Variants in SAXO2 observed in about 807,000 individuals in gnomAD.
SAXO2 encodes the protein stabilizer of axonemal microtubules 2, also known as family with sequence similarity 154, member B.
Under a neutral mutation model 18.7 loss-of-function variants are expected in SAXO2, and 17 were observed. The observed-to-expected ratio is 0.91, with a 90% CI of 0.62 to 1.36. The LOEUF (loss-of-function observed/expected upper bound fraction) is 1.36, where lower values mean the gene tolerates loss of function less well. Ranked by LOEUF, SAXO2 falls within the 40% of genes most tolerant of loss-of-function variation. SAXO2 has a pLI of 0.00. For missense variants in SAXO2, 486 were observed against 562.6 expected, an observed-to-expected ratio of 0.86 and a Z score of 1.38; for synonymous variants, 163 against 181.2, an observed-to-expected ratio of 0.90 and a Z score of 0.81.
intron 2 of SAXO2, among the ~76,000 whole-genome samples, chr15:82,266,870 G>C (rs1370337341): frequency 1.3e-5 from 2 of 152,098 alleles, no homozygotes; most frequent in East Asian, 3.8e-4. Context: ...GCACATACTA[G>C]GTACCCAATA....
At chr15:82,263,824 T>C (rs2075170825) in intron 1 of SAXO2, among the ~76,000 whole-genome samples, 1 of 152,176 alleles carries the variant, frequency 6.6e-6, no homozygotes, top group Admixed American at 6.5e-5. Context: ...GGAAATTCAG[T>C]CTTCATTATG....
chr15:82,284,811 T>C lies in SAXO2; in HGVS notation c.*1749T>C, dbSNP rs2075397018. 1 of 152,242 alleles carries C rather than the reference T, an allele frequency of 6.6e-6. No homozygotes were observed. The highest frequency in any genetic ancestry group is 2.1e-4 in the South Asian group (1 of 4,834). 9.4% of individuals were successfully genotyped at this position (152,242 alleles called of 1,614,324 possible). On this transcript the variant is annotated 3_prime_UTR_variant, in exon 4 of 4. Coordinates refer to ENST00000682753, the MANE Select transcript of SAXO2 (RefSeq NM_001348699.2). The stretch of plus-strand genomic sequence containing the variant: ...ACTTTATTGAAAATCAATATTTGGT[T>C]ATTTTAATTGTTCAAAAGTAATTTG...
intron 2 of SAXO2, among the ~76,000 whole-genome samples, chr15:82,271,373 A>G (rs1386005815): frequency 1.3e-5 from 2 of 152,192 alleles, no homozygotes; most frequent in Non-Finnish European, 2.9e-5. Context: ...TGTTTTAAAA[A>G]CTAGGATTTT....
At chr15:82,264,322 A>G (rs1245224578) in intron 1 of SAXO2, among the ~76,000 whole-genome samples, 1 of 151,512 alleles carries the variant, frequency 6.6e-6, no homozygotes, top group Non-Finnish European at 1.5e-5. Flanking sequence ...CGGCTTCCCA[A>G]AGTGCTGGGA....
chr15:82,283,044 T>C lies in SAXO2; in HGVS notation c.1359T>C (p.Pro453=), dbSNP rs1436497389. ...QGHKFFRKII[P]AVKAF Reference sequence around the variant, plus strand: ...ATAAATTCTTCCGCAAGATTATTCCTGCAGTGAAGGCCTTCTAATAACCAA... The same window carrying C: ...ATAAATTCTTCCGCAAGATTATTCCCGCAGTGAAGGCCTTCTAATAACCAA... Residue 453 remains proline, a synonymous_variant, in exon 4 of 4, where the codon CCT becomes CCC. Coordinates refer to ENST00000682753, the MANE Select transcript of SAXO2 (RefSeq NM_001348699.2). 2.5e-6 allele frequency: 4 copies of C among 1,611,194 alleles called. No homozygotes were observed. Among genetic ancestry groups the C allele is most frequent in the South Asian group, 1.1e-5 (1 of 90,388 alleles).
chr15:82,275,281 CAAAAAAAA>C (rs756023248), intron 3 of SAXO2, among the ~76,000 whole-genome samples: 47 of 45,910 alleles, frequency 1.0e-3, no homozygotes, highest in African/African-American at 3.8e-3. Context: ...ACCTATCAAC[CAAAAAAAA>C]AAAAAAAAAA....
chr15:82,264,444 A>G (rs78071583), intron 1 of SAXO2, among the ~76,000 whole-genome samples: 2,749 of 151,704 alleles, frequency 0.018, 29 homozygotes, highest in Non-Finnish European at 0.026. Flanking sequence ...ACTATTTACA[A>G]TCTCACCAAC....
chr15:82,278,434 A>G (rs1193457427), intron 3 of SAXO2, among the ~76,000 whole-genome samples: 2 of 152,226 alleles, frequency 1.3e-5, no homozygotes, highest in African/African-American at 4.8e-5. Context: ...GTACTAACAT[A>G]AGAAATGTGA....
intron 3 of SAXO2, among the ~76,000 whole-genome samples, chr15:82,272,789 C>T (rs2075284233): frequency 6.6e-6 from 1 of 151,936 alleles, no homozygotes; most frequent in South Asian, 2.1e-4. Flanking sequence ...GTGATCCACA[C>T]ACCTCAGCCT....
intron 3 of SAXO2, among the ~76,000 whole-genome samples, chr15:82,279,385 A>G (rs1470673026): frequency 3.9e-5 from 6 of 152,236 alleles, no homozygotes; most frequent in Admixed American, 6.5e-5. Context: ...GAGAAAGTCA[A>G]TTAAACAGAA....
At chr15:82,276,487 T>C (rs2075316501) in intron 3 of SAXO2, among the ~76,000 whole-genome samples, 1 of 152,160 alleles carries the variant, frequency 6.6e-6, no homozygotes, top group South Asian at 2.1e-4. Context: ...CAAAACAGCA[T>C]GGTACTGGTA....
At chr15:82,273,300 G>A (rs2075288233) in intron 3 of SAXO2, among the ~76,000 whole-genome samples, 1 of 152,046 alleles carries the variant, frequency 6.6e-6, no homozygotes, top group South Asian at 2.1e-4. Flanking sequence ...TACATATATA[G>A]GATTACATTT....
Position 82,283,136 on chromosome 15 carries a change from T to A in SAXO2, c.*74T>A. The A allele has an allele frequency of 3.0e-6, 3 of 996,280 alleles. No homozygotes were observed. The highest frequency in any genetic ancestry group is 4.0e-6 in the Non-Finnish European group (3 of 743,254). The allele number at this position is 996,280 out of a possible 1,614,324, so 61.7% of individuals were successfully genotyped here. ...CAAGAGAAAACTCAATTTTTATAGT[T>A]AAAAAATTTATGATATAATAAATCA... On this transcript the variant is annotated 3_prime_UTR_variant, in exon 4 of 4. Coordinates refer to ENST00000682753, the MANE Select transcript of SAXO2 (RefSeq NM_001348699.2).
intron 3 of SAXO2, among the ~76,000 whole-genome samples, chr15:82,272,489 G>T (rs897996096): frequency 6.6e-6 from 1 of 152,178 alleles, no homozygotes; most frequent in African/African-American, 2.4e-5. Context: ...AGGAGTACAA[G>T]TTGGGCCATG....
intron 1 of SAXO2, among the ~76,000 whole-genome samples, chr15:82,265,075 G>T (rs2075202180): frequency 6.6e-6 from 1 of 152,226 alleles, no homozygotes; most frequent in African/African-American, 2.4e-5. Context: ...ACCACATAGG[G>T]ATAGACCATT....
intron 2 of SAXO2, among the ~76,000 whole-genome samples, chr15:82,269,081 T>C (rs2075246418): frequency 6.6e-6 from 1 of 152,204 alleles, no homozygotes; most frequent in Non-Finnish European, 1.5e-5. Context: ...AAAAAATTAT[T>C]AAGCATTTAT....
chr15:82,267,730 G>A (rs1001411404), intron 2 of SAXO2, among the ~76,000 whole-genome samples: 10 of 152,042 alleles, frequency 6.6e-5, no homozygotes, highest in African/African-American at 2.4e-4. Flanking sequence ...TAATATTTTG[G>A]TGACTCTAGT....
In SAXO2 at chr15:82,271,768, A is replaced by G; in HGVS notation, c.399A>G (p.Lys133=). 1 of 1,614,080 alleles carries G rather than the reference A, an allele frequency of 6.2e-7. No individual in the cohort carries two copies. The highest frequency in any genetic ancestry group is 8.5e-7 in the Non-Finnish European group (1 of 1,179,962). The change falls in exon 3 of 4, where the codon AAA becomes AAG. Residue 133 remains lysine (K), a synonymous_variant. Transcript: ENST00000682753. ...TCCGGCCTTTGGAGAGACAAGTTAA[A>G]AAAGGAAAATTGGACACTGTCCCAA... ...AIVRPLERQV[K]KGKLDTVPTY... is the part of the protein sequence containing the mutation.
intron 3 of SAXO2, among the ~76,000 whole-genome samples, chr15:82,280,954 A>G (rs750582377): frequency 1.3e-4 from 20 of 152,224 alleles, no homozygotes; most frequent in Admixed American, 1.3e-4. Flanking sequence ...ATTTAGTCCA[A>G]TACTTGGCCA....
Sources: gnomAD v4.1 joint callset for allele counts (sites outside exome capture counted in the v4.1 genomes callset) on GRCh38, gnomAD v4.1.1 for gene constraint, MANE v1.5 for transcripts, NCBI Gene and HGNC (gene_info 2026-07-23, HGNC 2026-07-21) for gene names.